The following BICRAL variants were observed in gnomAD, a reference collection of about 807,000 sequenced individuals.
BICRAL encodes BICRA like chromatin remodeling complex associated protein, also known as BRD4-interacting chromatin-remodeling complex-associated protein-like.
Under a neutral mutation model 91.8 loss-of-function variants are expected in BICRAL, and 8 were observed. That is an observed-to-expected ratio of 0.09 (90% CI 0.05 to 0.16). The LOEUF (loss-of-function observed/expected upper bound fraction) is 0.16, where lower values mean the gene tolerates loss of function less well. BICRAL is among the 10% of genes least tolerant of loss of function. The pLI is 1.00. For synonymous variants in BICRAL, 445 were observed against 491.1 expected, an observed-to-expected ratio of 0.91 and a Z score of 1.24; for missense variants, 1,038 against 1,310.9, an observed-to-expected ratio of 0.79 and a Z score of 3.21.
At chr6:42,845,802 G>A (rs1439033441) in intron 6 of BICRAL, among the ~76,000 whole-genome samples, 1 of 151,146 alleles carries the variant, frequency 6.6e-6, no homozygotes, top group Admixed American at 6.6e-5. Context: ...GGTGGCTCAC[G>A]CTTATAATCC....
chr6:42,851,113 A>C (rs1765163705), intron 6 of BICRAL, among the ~76,000 whole-genome samples: 1 of 152,154 alleles, frequency 6.6e-6, no homozygotes, highest in South Asian at 2.1e-4. Context: ...TGAACTTGGG[A>C]GACGGAGGTT....
At chr6:42,850,849 C>T (rs34444714) in intron 6 of BICRAL, among the ~76,000 whole-genome samples, 43,796 of 148,176 alleles carry the variant, frequency 0.3, 6,947 homozygotes, top group South Asian at 0.48. Context: ...AGCCTGGTGA[C>T]GGAGTGAGAT....
chr6:42,860,916 C>T (rs1765535677), intron 11 of BICRAL, among the ~76,000 whole-genome samples: 1 of 151,910 alleles, frequency 6.6e-6, no homozygotes, highest in African/African-American at 2.4e-5. Flanking sequence ...CACCTGAGGT[C>T]GGGAGTTCAA....
chr6:42,861,199 A>T (rs540537213), intron 11 of BICRAL, among the ~76,000 whole-genome samples: 8 of 152,190 alleles, frequency 5.3e-5, no homozygotes, highest in African/African-American at 1.9e-4. Context: ...AGCCTGGCCA[A>T]CATGGTGAAA....
At chr6:42,858,331 C>T (rs1452309715) in intron 10 of BICRAL, among the ~76,000 whole-genome samples, 1 of 150,208 alleles carries the variant, frequency 6.7e-6, no homozygotes, top group Non-Finnish European at 1.5e-5. Flanking sequence ...GCCTGGCCAA[C>T]ATGGTGAAAC....
intron 1 of BICRAL, among the ~76,000 whole-genome samples, chr6:42,764,867 G>C (rs1053328231): frequency 7.9e-5 from 12 of 152,146 alleles, no homozygotes; most frequent in African/African-American, 2.7e-4. Context: ...TACCGTATTA[G>C]CCAGGATGGT....
In BICRAL at chr6:42,862,742, G is replaced by T. The variant is rs148106857; in HGVS notation, c.2452+130G>T. On this transcript the variant is annotated intron_variant, in intron 12 of 12. Transcript: ENST00000314073. ...GAACGTGAATTCTGGGGAGAGCTGG[G>T]CACGGTGGCTCACACCTGTAATCCC... The T allele has an allele frequency of 1.3e-3, 838 of 647,550 alleles. 8 individuals are homozygous for T. The African/African-American group carries it at 0.013, about 10-fold the overall frequency. The allele number at this position is 647,550 out of a possible 1,614,324, so 40.1% of individuals were successfully genotyped here.
At chr6:42,748,104 CTTT>C (rs35511368) in intron 1 of BICRAL, among the ~76,000 whole-genome samples, 24 of 124,562 alleles carry the variant, frequency 1.9e-4, no homozygotes, top group African/African-American at 6.6e-4. Context: ...GTGCCTGGCC[CTTT>C]TTTTTTTTTT....
chr6:42,770,657 C>G (rs1210576909), intron 1 of BICRAL, among the ~76,000 whole-genome samples: 1 of 151,792 alleles, frequency 6.6e-6, no homozygotes, highest in Non-Finnish European at 1.5e-5. Context: ...CTCAGGTGAT[C>G]CACCCGCCTC....
chr6:42,798,102 A>G (rs1442338386), intron 1 of BICRAL, among the ~76,000 whole-genome samples: 2 of 152,004 alleles, frequency 1.3e-5, no homozygotes, highest in Non-Finnish European at 2.9e-5. Flanking sequence ...AAAATCAAAT[A>G]CCACATGTTC....
chr6:42,757,745 C>T (rs1212551898), intron 1 of BICRAL, among the ~76,000 whole-genome samples: 2 of 152,156 alleles, frequency 1.3e-5, no homozygotes, highest in East Asian at 3.9e-4. Context: ...CATGTTTTAC[C>T]TCATTGAATC....
chr6:42,788,839 G>A (rs1341278891), intron 1 of BICRAL, among the ~76,000 whole-genome samples: 1 of 152,260 alleles, frequency 6.6e-6, no homozygotes, highest in Admixed American at 6.5e-5. Context: ...CCCTTGCCGT[G>A]GCTTGGGGCC....
In BICRAL at chr6:42,829,974, C is replaced by A; in HGVS notation, c.1641C>A (p.Ser547Arg). Residue 547 changes from serine (S) to arginine (R), a missense_variant, in exon 6 of 13, where the codon AGC becomes AGA. Transcript: ENST00000314073. ...GGTTCCCTGCTGTCAGCTCAGCCAG[C>A]ACTGCCCATCCTAGTCTTGGGTCTG... Reference protein sequence around the residue: ...PSRFPAVSSASTAHPSLGSAV... With the variant: ...PSRFPAVSSARTAHPSLGSAV... 6.2e-7 allele frequency: 1 copy of A among 1,614,248 alleles called. No individual in the cohort carries two copies. The highest frequency in any genetic ancestry group is 8.5e-7 in the Non-Finnish European group (1 of 1,180,040).
At chr6:42,810,834 G>C (rs1457749204) in intron 2 of BICRAL, among the ~76,000 whole-genome samples, 1 of 152,158 alleles carries the variant, frequency 6.6e-6, no homozygotes, top group Admixed American at 6.5e-5. Flanking sequence ...TTAGAGACAG[G>C]AATTAAAGAA....
intron 1 of BICRAL, among the ~76,000 whole-genome samples, chr6:42,800,406 C>A (rs1273279561): frequency 6.6e-6 from 1 of 152,072 alleles, no homozygotes; most frequent in African/African-American, 2.4e-5. Context: ...TCAAGTGATC[C>A]GTCCACTTCG....
intron 1 of BICRAL, among the ~76,000 whole-genome samples, chr6:42,806,341 G>T (rs1763705890): frequency 6.6e-6 from 1 of 152,068 alleles, no homozygotes; most frequent in Non-Finnish European, 1.5e-5. Context: ...TTGGGGCAGG[G>T]GAGGACAGGA....
In BICRAL at chr6:42,855,863, G is replaced by A; in HGVS notation, c.2054G>A (p.Ser685Asn). 4 of 1,613,010 alleles carry A rather than the reference G, an allele frequency of 2.5e-6. No individual in the cohort carries two copies. The highest frequency in any genetic ancestry group is 3.4e-6 in the Non-Finnish European group (4 of 1,179,154). The change falls in exon 9 of 13, where the codon AGT becomes AAT. Residue 685 changes from serine to asparagine, a missense_variant. By Grantham distance (46) the Ser-to-Asn change is conservative. This residue lies in a region of BICRAL where 532 missense variants were observed against 724.9 expected (regional missense o/e 0.73). Coordinates refer to ENST00000314073, the MANE Select transcript of BICRAL (RefSeq NM_001393499.1). Reference sequence around the variant, plus strand: ...GGTTTGTTTTGTCTTTAGGTGGAGAGTCATTCGGGAGGACAAAAAAGGCCT... The same window carrying A: ...GGTTTGTTTTGTCTTTAGGTGGAGAATCATTCGGGAGGACAAAAAAGGCCT... Reference protein sequence around the residue: ...SPGHPAVQVESHSGGQKRPAA... With the variant: ...SPGHPAVQVENHSGGQKRPAA...
chr6:42,821,904 G>A (rs562431963), intron 2 of BICRAL, 114 bp from the exon 3 acceptor site: 6 of 590,470 alleles, frequency 1.0e-5, no homozygotes, highest in South Asian at 3.0e-5. Flanking sequence ...GAAAACTCAC[G>A]TGAATTACAG....
chr6:42,843,695 G>A (rs1181922370), intron 6 of BICRAL, among the ~76,000 whole-genome samples: 1 of 152,062 alleles, frequency 6.6e-6, no homozygotes, highest in Non-Finnish European at 1.5e-5. Context: ...CGTCAAGTTT[G>A]AGGTACCTGT....
Sources: allele counts gnomAD v4.1 joint callset (sites outside exome capture counted in the v4.1 genomes callset), GRCh38; gene constraint gnomAD v4.1.1; regional missense constraint gnomAD v4.1.1; transcripts MANE v1.5; gene names NCBI Gene and HGNC (gene_info 2026-07-23, HGNC 2026-07-21).